PTPRG: variants seen among roughly 807,000 people sequenced by gnomAD.
PTPRG encodes the protein receptor-type tyrosine-protein phosphatase gamma.
Under a neutral mutation model 165.3 loss-of-function variants are expected in PTPRG, and 102 were observed. The ratio of observed to expected loss-of-function variants is 0.62; its 90% CI spans 0.53 to 0.73. The LOEUF (loss-of-function observed/expected upper bound fraction) is 0.73. Among genes scored for constraint, PTPRG ranks in the 30% least tolerant of loss-of-function variants. The probability of loss-of-function intolerance (pLI) is 0.00; values close to 1 mark genes in which losing one functional copy is unlikely to be tolerated. For synonymous variants in PTPRG, 675 were observed against 669.5 expected (o/e 1.01, Z -0.13); for missense variants, 1,866 against 1,861.4 (o/e 1.00, Z -0.05).
At chr3:62,103,535 A>G (rs543758378) in intron 5 of PTPRG, among the ~76,000 whole-genome samples, 1 of 152,344 alleles carries the variant, frequency 6.6e-6, no homozygotes, top group East Asian at 1.9e-4. Context: ...CTAGAAAGGA[A>G]TACATAATTA....
At chr3:61,692,970 C>G (rs931635773) in intron 1 of PTPRG, among the ~76,000 whole-genome samples, 1 of 152,140 alleles carries the variant, frequency 6.6e-6, no homozygotes, top group Non-Finnish European at 1.5e-5. Context: ...TTTTCTTCTT[C>G]AGGGTCTTCC....
chr3:61,594,390 G>A (rs1347130119), intron 1 of PTPRG, among the ~76,000 whole-genome samples: 1 of 151,990 alleles, frequency 6.6e-6, no homozygotes, highest in African/African-American at 2.4e-5. Context: ...CTTGGTGCCT[G>A]AGGTGCAGAT....
rs139312453 is a variant in PTPRG, at chr3:62,146,495, TA to T, written c.683-10570del. ...CGGGATTTTCTCTGGACTGTGCCTGTAAGGAAGGCCATGAGGCATGCATTTA... is the reference window on the plus strand; with the variant it reads ...CGGGATTTTCTCTGGACTGTGCCTGTAGGAAGGCCATGAGGCATGCATTTA... On this transcript the variant is annotated intron_variant, in intron 6 of 29. Transcript: ENST00000474889. 1.7e-3 allele frequency among the ~76,000 whole-genome samples: 256 copies of T among 152,240 alleles called. 1 individual carries two copies. The highest frequency in any genetic ancestry group is 6.1e-3 in the African/African-American group (252 of 41,544).
intron 6 of PTPRG, among the ~76,000 whole-genome samples, chr3:62,151,422 C>T (rs1307648709): frequency 6.6e-6 from 1 of 152,106 alleles, no homozygotes; most frequent in African/African-American, 2.4e-5. Context: ...ATGTAGACTA[C>T]TTAATACAGT....
chr3:61,713,230 G>A (rs574924991), intron 1 of PTPRG, among the ~76,000 whole-genome samples: 1 of 150,540 alleles, frequency 6.6e-6, no homozygotes, highest in South Asian at 2.1e-4. Context: ...GCACGATCTC[G>A]GCTCACTGCA....
intron 5 of PTPRG, among the ~76,000 whole-genome samples, chr3:62,121,571 C>T (rs183366319): frequency 1.2e-4 from 19 of 152,160 alleles, no homozygotes; most frequent in African/African-American, 2.2e-4. Context: ...AAAATGAGCT[C>T]ATCGTGTTCA....
chr3:61,565,174 C>T (rs950983058), intron 1 of PTPRG, among the ~76,000 whole-genome samples: 123 of 152,180 alleles, frequency 8.1e-4, no homozygotes, highest in Non-Finnish European at 1.3e-3. Flanking sequence ...AAACACAGCC[C>T]TGGCATGAGC....
At chr3:61,619,582 G>A (rs555920469) in intron 1 of PTPRG, among the ~76,000 whole-genome samples, 29 of 152,326 alleles carry the variant, frequency 1.9e-4, no homozygotes, top group South Asian at 1.9e-3. Context: ...TGAACAATGA[G>A]CCTCTAGTGC....
intron 1 of PTPRG, among the ~76,000 whole-genome samples, chr3:61,661,688 C>G (rs1235817086): frequency 1.3e-5 from 2 of 152,120 alleles, no homozygotes; most frequent in East Asian, 3.8e-4. Flanking sequence ...AATCACTTCT[C>G]TTTTCTTTGT....
intron 2 of PTPRG, among the ~76,000 whole-genome samples, chr3:61,814,653 G>A (rs575949239): frequency 1.3e-4 from 19 of 151,916 alleles, no homozygotes; most frequent in African/African-American, 4.6e-4. Context: ...GTGTGCTGCT[G>A]CTTTATTTCA....
chr3:61,733,389 A>C (rs1243987884), intron 1 of PTPRG, among the ~76,000 whole-genome samples: 1 of 152,130 alleles, frequency 6.6e-6, no homozygotes, highest in Non-Finnish European at 1.5e-5. Context: ...GTCATGTGCC[A>C]TGTGACTTTG....
chr3:61,761,584 A>G (rs2106968092), intron 2 of PTPRG, among the ~76,000 whole-genome samples: 1 of 136,266 alleles, frequency 7.3e-6, no homozygotes, highest in Non-Finnish European at 1.6e-5. Flanking sequence ...CCTCAAAACA[A>G]AGAAACAAAC....
intron 2 of PTPRG, among the ~76,000 whole-genome samples, chr3:61,779,474 G>C (rs779040555): frequency 3.3e-5 from 5 of 152,092 alleles, no homozygotes; most frequent in Non-Finnish European, 7.4e-5. Flanking sequence ...CAGATGACTT[G>C]ACCCCGGGGA....
intron 7 of PTPRG, among the ~76,000 whole-genome samples, chr3:62,160,864 A>ATTTTTTTTTTTTTTT (rs5849464): frequency 9.6e-6 from 1 of 103,986 alleles, no homozygotes; most frequent in African/African-American, 3.8e-5. Context: ...TAGATGTGTG[A>ATTTTTTTTTTTTTTT]TTTTTTTTTT....
chr3:62,015,148 A>G (rs2041510666), intron 4 of PTPRG, among the ~76,000 whole-genome samples: 2 of 152,210 alleles, frequency 1.3e-5, no homozygotes, highest in South Asian at 2.1e-4. Flanking sequence ...ACATTTCTAA[A>G]TGACGCACAG....
intron 3 of PTPRG, 55 bp from the exon 4 acceptor site, chr3:62,003,294 C>A: frequency 6.4e-7 from 1 of 1,563,506 alleles, no homozygotes; most frequent in South Asian, 1.2e-5. Flanking sequence ...CAGAAAAACT[C>A]CATTTGGTTT....
At chr3:61,933,254 A>G (rs2039405370) in intron 2 of PTPRG, among the ~76,000 whole-genome samples, 1 of 152,228 alleles carries the variant, frequency 6.6e-6, no homozygotes, top group Admixed American at 6.5e-5. Context: ...TGGTGAATCA[A>G]AATGATGCTG....
intron 1 of PTPRG, among the ~76,000 whole-genome samples, chr3:61,677,990 C>A (rs1463643796): frequency 9.9e-5 from 15 of 152,108 alleles, no homozygotes; most frequent in Admixed American, 9.2e-4. Flanking sequence ...GGTGCAGACA[C>A]CACATTTGGT....
chr3:61,780,408 G>A (rs1522550), intron 2 of PTPRG, among the ~76,000 whole-genome samples: 2,312 of 152,254 alleles, frequency 0.015, 45 homozygotes, highest in East Asian at 0.064. Flanking sequence ...TAAATCACAG[G>A]AAAACTGGAT....
Sources: allele counts gnomAD v4.1 joint callset (sites outside exome capture counted in the v4.1 genomes callset), GRCh38; gene constraint gnomAD v4.1.1; transcripts MANE v1.5; gene names NCBI Gene and HGNC (gene_info 2026-07-23, HGNC 2026-07-21).